LRRC9: variants seen among roughly 807,000 people sequenced by gnomAD.
The protein encoded by LRRC9 is leucine rich repeat containing 9.
LRRC9 carries 122 observed loss-of-function variants against 63.2 expected under a neutral mutation model. The ratio of observed to expected loss-of-function variants is 1.93; its 90% CI spans 1.67 to 2.24. The LOEUF (loss-of-function observed/expected upper bound fraction) is 2.24, where lower values mean the gene tolerates loss of function less well. Ranked by LOEUF, LRRC9 falls within the 30% of genes most tolerant of loss-of-function variation. The pLI is 0.00. For synonymous variants in LRRC9, 366 were observed against 213.1 expected (o/e 1.72, Z -6.25); for missense variants, 1,071 against 627.7 (o/e 1.71, Z -7.55).
At chr14:60,032,182 C>A in intron 29 of LRRC9, 119 bp downstream of exon 29, 2 of 563,940 alleles carry the variant, frequency 3.5e-6, no homozygotes, top group South Asian at 2.4e-5. Flanking sequence ...GCCAGTCATC[C>A]CAGCCCAAAT....
intron 12 of LRRC9, among the ~76,000 whole-genome samples, chr14:59,970,666 A>G (rs1248179808): frequency 6.6e-6 from 1 of 151,960 alleles, no homozygotes; most frequent in Non-Finnish European, 1.5e-5. Flanking sequence ...TTTGATTTGC[A>G]TTTCTCTAAT....
intron 17 of LRRC9, 36 bp from the exon 18 acceptor site, chr14:59,997,620 T>C (rs566442645): frequency 1.6e-6 from 1 of 637,716 alleles, no homozygotes; most frequent in South Asian, 1.8e-5. Flanking sequence ...CAAATTATGA[T>C]TCTCTTAGCA....
chr14:59,941,409 C>A (rs1327915462), intron 7 of LRRC9, among the ~76,000 whole-genome samples: 2 of 150,454 alleles, frequency 1.3e-5, no homozygotes, highest in African/African-American at 4.9e-5. Flanking sequence ...TTTTTTTATC[C>A]CACCTAGGGG....
intron 8 of LRRC9, among the ~76,000 whole-genome samples, chr14:59,952,634 ATTGTTG>A (rs377623782): frequency 6.6e-6 from 1 of 151,518 alleles, no homozygotes; most frequent in South Asian, 2.1e-4. Context: ...TGTTGTTGTT[ATTGTTG>A]TTGTTGTTGC....
At chr14:59,954,768 T>C (rs1355263715) in intron 8 of LRRC9, among the ~76,000 whole-genome samples, 2 of 152,230 alleles carry the variant, frequency 1.3e-5, no homozygotes, top group Non-Finnish European at 2.9e-5. Flanking sequence ...TTCAGTATGA[T>C]ATTGGCTGTG....
At chr14:59,968,021 G>A (rs992068416) in intron 12 of LRRC9, among the ~76,000 whole-genome samples, 1 of 152,078 alleles carries the variant, frequency 6.6e-6, no homozygotes, top group Admixed American at 6.6e-5. Flanking sequence ...TAGAAACAAT[G>A]CAAATATGCA....
chr14:59,999,104 G>A, exon 19 of LRRC9: 1 of 655,012 alleles, frequency 1.5e-6, no homozygotes, highest in Admixed American at 2.4e-5. Flanking sequence ...TCCCAAGCCA[G>A]CCACATTGAG....
chr14:60,016,826 AATTAC>A (rs1314445303), intron 24 of LRRC9, 36 bp downstream of exon 24: 1 of 625,084 alleles, frequency 1.6e-6, no homozygotes, highest in African/African-American at 1.8e-5. Flanking sequence ...TTTACATTAT[AATTAC>A]ATTATGTAAT....
chr14:60,046,180 C>T (rs1566905985), intron 29 of LRRC9, among the ~76,000 whole-genome samples: 2 of 152,108 alleles, frequency 1.3e-5, no homozygotes, highest in Admixed American at 1.3e-4. Context: ...AGACCTTGGT[C>T]AGATGGATAG....
At position 59,974,622 on chromosome 14, in the gene LRRC9, TA is replaced by T; in HGVS notation, c.1555del (p.Ser519ValfsTer69). On this transcript the variant is annotated frameshift_variant, in exon 13 of 32. Coordinates refer to ENST00000445360, the Ensembl canonical transcript of LRRC9. LOFTEE classifies it high-confidence loss of function. ...ATCATTGTTTCTAACAGTCTAAGTATAAGTGAGTGTCCCAGAATTGAATTTT... is the reference window on the plus strand; with the variant it reads ...ATCATTGTTTCTAACAGTCTAAGTATAGTGAGTGTCCCAGAATTGAATTTT... The T allele has an allele frequency of 1.4e-6, 1 of 691,542 alleles. No homozygotes were observed. Among genetic ancestry groups the T allele is most frequent in the Non-Finnish European group, 2.6e-6 (1 of 379,630 alleles). The allele number at this position is 691,542 out of a possible 1,614,324, so 42.8% of individuals were successfully genotyped here.
At chr14:59,976,698 AAAAC>A (rs1434247394) in intron 13 of LRRC9, among the ~76,000 whole-genome samples, 7 of 152,186 alleles carry the variant, frequency 4.6e-5, no homozygotes, top group Admixed American at 3.9e-4. Context: ...GTACATAGTA[AAAAC>A]AAACAAAATT....
At chr14:59,977,568 TTGTGTGTGTGTGTG>T (rs150262478) in intron 14 of LRRC9, among the ~76,000 whole-genome samples, 48 of 144,514 alleles carry the variant, frequency 3.3e-4, no homozygotes, top group African/African-American at 1.2e-3. Flanking sequence ...AATTATGTAT[TTGTGTGTGTGTGTG>T]TGTGTGTGTG....
intron 16 of LRRC9, among the ~76,000 whole-genome samples, chr14:59,984,139 A>T (rs1887218169): frequency 6.6e-6 from 1 of 152,250 alleles, no homozygotes; most frequent in Non-Finnish European, 1.5e-5. Flanking sequence ...GGGAAGATGA[A>T]ATCAGTTGTG....
intron 3 of LRRC9, 79 bp downstream of exon 3, chr14:59,928,565 T>C (rs960610068): frequency 1.9e-6 from 1 of 526,650 alleles, no homozygotes; most frequent in Non-Finnish European, 3.3e-6. Context: ...CATTGAAATA[T>C]ATGCATAAGG....
At chr14:59,978,167 T>C (rs1886520005) in intron 15 of LRRC9, 35 bp downstream of exon 15, 1 of 697,150 alleles carries the variant, frequency 1.4e-6, no homozygotes, top group Non-Finnish European at 2.6e-6. Context: ...AGACTAATTC[T>C]AATTCCTTAA....
Position 60,042,551 on chromosome 14 carries a change from T to TGGGATCCTCCAAGCCAG in LRRC9, c.3990+10489_3990+10490insGGATCCTCCAAGCCAGG, listed in dbSNP as rs1566902916. On this transcript the variant is annotated intron_variant, in intron 29 of 31. Transcript: ENST00000445360. The surrounding 1 kb of genome is among the most constrained non-coding windows in gnomAD (Gnocchi z 4.2). ...CGTGGGCATGGGATCCTCCAAGCCA[T>TGGGATCCTCCAAGCCAG]GCGCGGGATATAATCTCCTGTTGTG... is the stretch of plus-strand genomic sequence containing the variant. Among the ~76,000 whole-genome samples the TGGGATCCTCCAAGCCAG allele has an allele frequency of 1.3e-5, 2 of 152,178 alleles. No individual in the cohort carries two copies. Among genetic ancestry groups the TGGGATCCTCCAAGCCAG allele is most frequent in the African/African-American group, 4.8e-5 (2 of 41,446 alleles).
chr14:59,928,706 T>A (rs1187381250), intron 3 of LRRC9, among the ~76,000 whole-genome samples: 1 of 152,058 alleles, frequency 6.6e-6, no homozygotes, highest in Non-Finnish European at 1.5e-5. Flanking sequence ...CAAAACAGCA[T>A]GTTACTGTTA....
At chr14:59,944,304 A>T (rs1882104309) in intron 7 of LRRC9, among the ~76,000 whole-genome samples, 1 of 151,924 alleles carries the variant, frequency 6.6e-6, no homozygotes, top group African/African-American at 2.4e-5. Context: ...TTTATACATT[A>T]AATTTTATCT....
chr14:59,977,701 G>GA (rs1450672266), intron 14 of LRRC9, among the ~76,000 whole-genome samples: 1 of 151,452 alleles, frequency 6.6e-6, no homozygotes, highest in Non-Finnish European at 1.5e-5. Context: ...ATAGAAAAGT[G>GA]AAAAAGTATG....
Sources: allele counts gnomAD v4.1 joint callset (sites outside exome capture counted in the v4.1 genomes callset), GRCh38; gene constraint gnomAD v4.1.1; non-coding constraint Gnocchi (gnomAD v3.1); transcripts MANE v1.5; gene names NCBI Gene and HGNC (gene_info 2026-07-23, HGNC 2026-07-21).